Variants in PPP1R37 observed in about 807,000 individuals in gnomAD.
PPP1R37 encodes the protein leucine rich repeat containing 68.
PPP1R37 carries 21 observed loss-of-function variants against 61.0 expected under a neutral mutation model. That is an observed-to-expected ratio of 0.34 (90% CI 0.24 to 0.50). The LOEUF is 0.50. Ranked by LOEUF, PPP1R37 falls within the 20% of genes least tolerant of loss-of-function variation. PPP1R37 has a pLI of 0.98. For synonymous variants in PPP1R37, 443 were observed against 433.5 expected (o/e 1.02, Z -0.27); for missense variants, 910 against 952.7 (o/e 0.96, Z 0.59).
chr19:45,100,738 G>A (rs761040453), intron 1 of PPP1R37, among the ~76,000 whole-genome samples: 8 of 152,170 alleles, frequency 5.3e-5, no homozygotes, highest in South Asian at 2.1e-4. Flanking sequence ...CTGGCTTTGC[G>A]GTGTTGTGGC....
rs1968466012 is a variant in PPP1R37, at chr19:45,130,717, C to T, written c.203-7797C>T. 2.6e-5 allele frequency among the ~76,000 whole-genome samples: 4 copies of T among 152,184 alleles called. No individual in the cohort carries two copies. In the South Asian group the frequency reaches 8.3e-4, roughly 31 times the overall value. Reference sequence around the variant, plus strand: ...ACCTGTTAAAATCTGGGCCCCTGGGCCCTAGCTAGGACCTCCTGACTCTGG... The same window carrying T: ...ACCTGTTAAAATCTGGGCCCCTGGGTCCTAGCTAGGACCTCCTGACTCTGG... On this transcript the variant is annotated intron_variant, in intron 1 of 12. Coordinates refer to ENST00000221462, the MANE Select transcript of PPP1R37 (RefSeq NM_019121.2). The surrounding 1 kb of genome is among the most constrained non-coding windows in gnomAD (Gnocchi z 4.4).
chr19:45,098,695 T>A (rs558341059), intron 1 of PPP1R37, among the ~76,000 whole-genome samples: 1 of 152,264 alleles, frequency 6.6e-6, no homozygotes, highest in South Asian at 2.1e-4. Context: ...TGCCATACTG[T>A]TGGCTATTGA....
At chr19:45,120,512 C>T (rs117789739) in intron 1 of PPP1R37, among the ~76,000 whole-genome samples, 2,554 of 152,302 alleles carry the variant, frequency 0.017, 40 homozygotes, top group Non-Finnish European at 0.029. Context: ...TGGTTGGTTC[C>T]GGTTCTGCAT....
chr19:45,093,862 A>T (rs1047908521), intron 1 of PPP1R37, among the ~76,000 whole-genome samples: 2 of 152,132 alleles, frequency 1.3e-5, no homozygotes, highest in Admixed American at 6.5e-5. Context: ...AGAGAAGGAG[A>T]GAAGGAGCAG....
chr19:45,102,692 C>T (rs553909418), intron 1 of PPP1R37, among the ~76,000 whole-genome samples: 3 of 152,358 alleles, frequency 2.0e-5, no homozygotes, highest in African/African-American at 4.8e-5. Context: ...CCTTGACCTC[C>T]CTGGACCACT....
intron 4 of PPP1R37, among the ~76,000 whole-genome samples, chr19:45,141,041 G>GAGGCCC (rs1454748631): frequency 6.6e-6 from 1 of 152,188 alleles, no homozygotes; most frequent in Non-Finnish European, 1.5e-5. Context: ...CTGGAGAACT[G>GAGGCCC]AGGCCCAGGC....
intron 1 of PPP1R37, among the ~76,000 whole-genome samples, chr19:45,097,705 T>C (rs2122704994): frequency 1.3e-5 from 2 of 152,002 alleles, no homozygotes; most frequent in Middle Eastern, 3.4e-3. Flanking sequence ...CCTCATTACG[T>C]GAATGGCCAT....
At chr19:45,104,765 C>T (rs896894145) in intron 1 of PPP1R37, among the ~76,000 whole-genome samples, 1 of 152,164 alleles carries the variant, frequency 6.6e-6, no homozygotes, top group Admixed American at 6.5e-5. Context: ...CCATCGCCGG[C>T]CACGACCGAG....
At chr19:45,135,516 T>C (rs961875803) in intron 1 of PPP1R37, among the ~76,000 whole-genome samples, 71 of 152,280 alleles carry the variant, frequency 4.7e-4, no homozygotes, top group African/African-American at 1.7e-3. Flanking sequence ...ACGCTTCTCT[T>C]CCCCGTTTAA....
At chr19:45,140,395 C>A in intron 3 of PPP1R37, 111 bp from the exon 4 acceptor site, 1 of 1,149,820 alleles carries the variant, frequency 8.7e-7, no homozygotes, top group Non-Finnish European at 1.2e-6. Flanking sequence ...TGAGCTCAGC[C>A]AGGGCAGGGG....
At chr19:45,140,767 T>C (rs1338156443) in intron 4 of PPP1R37, 161 bp downstream of exon 4, 4 of 613,650 alleles carry the variant, frequency 6.5e-6, no homozygotes, top group Non-Finnish European at 1.2e-5. Context: ...AGACATCCAA[T>C]ATGACCAGAG....
chr19:45,129,951 A>G (rs1045772379), intron 1 of PPP1R37, among the ~76,000 whole-genome samples: 3 of 152,260 alleles, frequency 2.0e-5, no homozygotes, highest in East Asian at 3.9e-4. Context: ...TTTAGTCTGT[A>G]CTCTTGCCTC....
chr19:45,105,163 T>C (rs1968114250), intron 1 of PPP1R37, among the ~76,000 whole-genome samples: 1 of 152,112 alleles, frequency 6.6e-6, no homozygotes, highest in Non-Finnish European at 1.5e-5. Flanking sequence ...TCTTAGTCCT[T>C]GCCATGAGCA....
Position 45,134,237 on chromosome 19 carries a change from A to G in PPP1R37, c.203-4277A>G, listed in dbSNP as rs373245405. Among the ~76,000 whole-genome samples the G allele has an allele frequency of 1.2e-4, 19 of 152,096 alleles. 1 individual carries two copies. The highest frequency in any genetic ancestry group is 4.3e-4 in the African/African-American group (18 of 41,464). Reference sequence around the variant, plus strand: ...AAGGCTGGTCTCAAACTCTTGGCCTAAAGCAATCCTCCTGTCTTGGCCTCA... The same window carrying G: ...AAGGCTGGTCTCAAACTCTTGGCCTGAAGCAATCCTCCTGTCTTGGCCTCA... On this transcript the variant is annotated intron_variant, in intron 1 of 12. Transcript: ENST00000221462.
At chr19:45,140,145 C>A in intron 2 of PPP1R37, 91 bp from the exon 3 acceptor site, 1 of 1,167,816 alleles carries the variant, frequency 8.6e-7, no homozygotes, top group South Asian at 1.3e-5. Context: ...CCCCAGAACC[C>A]TGCCTGACCT....
At chr19:45,123,253 G>C (rs2122732898) in intron 1 of PPP1R37, among the ~76,000 whole-genome samples, 1 of 152,226 alleles carries the variant, frequency 6.6e-6, no homozygotes, top group South Asian at 2.1e-4. Context: ...CCAGGGGTGA[G>C]TGCACCCCAG....
chr19:45,144,915 T>C lies in PPP1R37; in HGVS notation c.1049T>C (p.Val350Ala). Reference protein sequence around the residue: ...LGHNPIGNEGVRHLKNGLISN... With the variant: ...LGHNPIGNEGARHLKNGLISN... The stretch of plus-strand genomic sequence containing the variant: ...CACAACCCCATCGGGAACGAGGGTG[T>C]GCGGCACCTCAAGAACGGGCTCATC... The change falls in exon 9 of 13, where the codon GTG (valine) becomes GCG (alanine). Residue 350 changes from valine (V) to alanine (A), a missense_variant. Val to Ala is a moderately conservative substitution (Grantham distance 64). Coordinates refer to ENST00000221462, the MANE Select transcript of PPP1R37 (RefSeq NM_019121.2). The C allele has an allele frequency of 6.5e-7, 1 of 1,535,670 alleles. No homozygotes were observed. The highest frequency in any genetic ancestry group is 1.2e-5 in the South Asian group (1 of 83,984).
intron 7 of PPP1R37, chr19:45,142,708 A>G: frequency 1.9e-6 from 1 of 534,170 alleles, no homozygotes; most frequent in East Asian, 3.1e-5. Flanking sequence ...AGGAGGAGAC[A>G]GCTCAGCTGA....
intron 2 of PPP1R37, among the ~76,000 whole-genome samples, chr19:45,139,458 C>G (rs922289786): frequency 1.3e-5 from 2 of 152,152 alleles, no homozygotes; most frequent in African/African-American, 4.8e-5. Context: ...GGTCCCCCAG[C>G]CCCCTCCCTC....
Sources: allele counts gnomAD v4.1 joint callset (sites outside exome capture counted in the v4.1 genomes callset), GRCh38; gene constraint gnomAD v4.1.1; non-coding constraint Gnocchi (gnomAD v3.1); transcripts MANE v1.5; gene names NCBI Gene and HGNC (gene_info 2026-07-23, HGNC 2026-07-21).